PACRG: variants seen among roughly 807,000 people sequenced by gnomAD.
The protein encoded by PACRG is parkin coregulated gene protein.
In PACRG, 29 loss-of-function variants were observed where a neutral mutation model predicts 29.7. That is an observed-to-expected ratio of 0.98 (90% CI 0.73 to 1.33). The LOEUF (loss-of-function observed/expected upper bound fraction) is 1.33. PACRG is among the 40% of genes most tolerant of loss of function. The pLI, the probability that PACRG is intolerant of heterozygous loss-of-function variation, is 0.00. For missense variants in PACRG, 279 were observed against 316.2 expected, an observed-to-expected ratio of 0.88 and a Z score of 0.89; for synonymous variants, 116 against 118.7, an observed-to-expected ratio of 0.98 and a Z score of 0.15.
intron 4 of PACRG, among the ~76,000 whole-genome samples, chr6:163,148,799 C>T (rs887558031): frequency 2.0e-5 from 3 of 152,266 alleles, no homozygotes; most frequent in African/African-American, 4.8e-5. Flanking sequence ...GAAATACCTT[C>T]CTCTCTCCTG....
chr6:163,183,806 T>C (rs968947689), intron 4 of PACRG, among the ~76,000 whole-genome samples: 8 of 152,200 alleles, frequency 5.3e-5, no homozygotes, highest in Non-Finnish European at 1.0e-4. Flanking sequence ...AGGCCAATGA[T>C]AAAAATATAA....
chr6:162,873,537 A>G (rs751524318), intron 2 of PACRG, among the ~76,000 whole-genome samples: 1 of 152,210 alleles, frequency 6.6e-6, no homozygotes, highest in Non-Finnish European at 1.5e-5. Flanking sequence ...AAAATTGGCA[A>G]AATGTCCAAA....
chr6:162,742,039 T>A (rs1780641345), intron 1 of PACRG, among the ~76,000 whole-genome samples: 1 of 152,184 alleles, frequency 6.6e-6, no homozygotes, highest in Non-Finnish European at 1.5e-5. Context: ...TTATGTCCTA[T>A]CACCAACATC....
At chr6:163,309,558 A>G (rs540083912) in intron 4 of PACRG, among the ~76,000 whole-genome samples, 81 of 152,318 alleles carry the variant, frequency 5.3e-4, no homozygotes, top group Admixed American at 4.3e-3. Context: ...GAAAGCAGGT[A>G]TTTAGTGTGA....
intron 1 of PACRG, among the ~76,000 whole-genome samples, chr6:162,778,534 G>A (rs747459993): frequency 6.6e-6 from 1 of 152,036 alleles, no homozygotes; most frequent in South Asian, 2.1e-4. Flanking sequence ...TAGAGGTTGC[G>A]GAGAATATAT....
chr6:162,947,500 T>C (rs1799209351), intron 2 of PACRG, among the ~76,000 whole-genome samples: 1 of 122,314 alleles, frequency 8.2e-6, no homozygotes, highest in African/African-American at 3.1e-5. Flanking sequence ...TATACTCATA[T>C]ATATATAATC....
chr6:162,817,287 T>C (rs897936606), intron 2 of PACRG, among the ~76,000 whole-genome samples: 1 of 152,224 alleles, frequency 6.6e-6, no homozygotes, highest in African/African-American at 2.4e-5. Context: ...GGAACCATTG[T>C]GTGTTCTTGA....
chr6:162,979,924 T>C (rs890277673), intron 2 of PACRG, among the ~76,000 whole-genome samples: 1 of 152,004 alleles, frequency 6.6e-6, no homozygotes, highest in Non-Finnish European at 1.5e-5. Flanking sequence ...GGGCCTAAAG[T>C]TGGTAAATAA....
chr6:163,254,488 A>C (rs775005090), intron 4 of PACRG, among the ~76,000 whole-genome samples: 79 of 152,340 alleles, frequency 5.2e-4, no homozygotes, highest in Non-Finnish European at 9.7e-4. Context: ...AGACAAAGCA[A>C]TTGTGAACCA....
At chr6:163,197,640 G>C (rs1203421284) in intron 4 of PACRG, among the ~76,000 whole-genome samples, 1 of 151,420 alleles carries the variant, frequency 6.6e-6, no homozygotes, top group South Asian at 2.1e-4. Context: ...TAGTAGAGAC[G>C]GGGTTTCACC....
At chr6:163,216,678 T>A (rs1164112865) in intron 4 of PACRG, among the ~76,000 whole-genome samples, 1 of 152,166 alleles carries the variant, frequency 6.6e-6, no homozygotes, top group Non-Finnish European at 1.5e-5. Context: ...TGCGTGTGCA[T>A]ACATATGCAC....
chr6:163,258,143 C>T (rs1244267475), intron 4 of PACRG, among the ~76,000 whole-genome samples: 1 of 152,104 alleles, frequency 6.6e-6, no homozygotes, highest in Non-Finnish European at 1.5e-5. Context: ...ATCCATTAAG[C>T]ACAATATGGG....
At chr6:162,746,775 C>T (rs191379756) in intron 1 of PACRG, among the ~76,000 whole-genome samples, 70 of 152,230 alleles carry the variant, frequency 4.6e-4, no homozygotes, top group African/African-American at 1.6e-3. Flanking sequence ...AAAGTGATTC[C>T]GCTCAGAATG....
chr6:162,943,090 C>G (rs78276494), intron 2 of PACRG, among the ~76,000 whole-genome samples: 378 of 152,316 alleles, frequency 2.5e-3, no homozygotes, highest in African/African-American at 8.7e-3. Flanking sequence ...GACTCAACCC[C>G]TGCAGGCTCT....
chr6:162,973,198 AC>A lies in PACRG; in HGVS notation c.292-88951del, dbSNP rs555416729. ...AGCATAAGTCCAACATCAGTCCTCA[AC>A]TTGGCCCCAGCACTGACCAGTCATG... On this transcript the variant is annotated intron_variant, in intron 2 of 4. Transcript: ENST00000366888. Among the ~76,000 whole-genome samples the A allele has an allele frequency of 1.2e-4, 18 of 152,336 alleles. No individual in the cohort carries two copies. In the East Asian group the frequency reaches 3.3e-3, roughly 28 times the overall value.
chr6:162,822,926 CAT>C (rs780648072), intron 2 of PACRG, among the ~76,000 whole-genome samples: 54 of 152,066 alleles, frequency 3.6e-4, no homozygotes, highest in East Asian at 5.8e-4. Flanking sequence ...TAACATATAA[CAT>C]ATGTTATTAT....
rs186195121 is a variant in PACRG at position 163,055,424 on chromosome 6, G to A, written c.292-6726G>A. Reference sequence around the variant, plus strand: ...CACGTGCACACACACGCAAACAAGCGCCTGAGGATAAACGTAATATAAGAG... The same window carrying A: ...CACGTGCACACACACGCAAACAAGCACCTGAGGATAAACGTAATATAAGAG... On this transcript the variant is annotated intron_variant, in intron 2 of 4. Transcript: ENST00000366888. The surrounding 1 kb of genome is among the most constrained non-coding windows in gnomAD (Gnocchi z 4.0). Among the ~76,000 whole-genome samples, 21 of 151,942 alleles carry A rather than the reference G, an allele frequency of 1.4e-4. No individual in the cohort carries two copies. In the East Asian group the frequency reaches 1.7e-3, roughly 13 times the overall value.
intron 2 of PACRG, among the ~76,000 whole-genome samples, chr6:162,941,939 C>T (rs529261797): frequency 4.6e-5 from 7 of 152,112 alleles, no homozygotes; most frequent in East Asian, 1.9e-4. Context: ...AAAATTCCTC[C>T]CTTTCTATAA....
chr6:162,792,288 G>A (rs1785019199), intron 1 of PACRG, among the ~76,000 whole-genome samples: 1 of 152,140 alleles, frequency 6.6e-6, no homozygotes, highest in Non-Finnish European at 1.5e-5. Flanking sequence ...TTTAAACTGG[G>A]TCAGGCAGGA....
Sources: gnomAD v4.1 joint callset for allele counts (sites outside exome capture counted in the v4.1 genomes callset) on GRCh38, gnomAD v4.1.1 for gene constraint, Gnocchi (gnomAD v3.1) non-coding constraint, MANE v1.5 for transcripts, NCBI Gene and HGNC (gene_info 2026-07-23, HGNC 2026-07-21) for gene names.